The following LRRC7 variants were observed in gnomAD, a reference collection of about 807,000 sequenced individuals.
LRRC7 encodes leucine rich repeat containing 7.
Under a neutral mutation model 175.7 loss-of-function variants are expected in LRRC7, and 23 were observed. That is an observed-to-expected ratio of 0.13 (90% CI 0.09 to 0.19). The LOEUF is 0.19. Among genes scored for constraint, LRRC7 ranks in the 10% least tolerant of loss-of-function variants. LRRC7 has a pLI of 1.00. For synonymous variants in LRRC7, 685 were observed against 680.9 expected (o/e 1.01, Z -0.09); for missense variants, 1,354 against 1,904.7 (o/e 0.71, Z 5.38).
At chr1:69,674,507 A>T (rs916025686) in intron 1 of LRRC7, among the ~76,000 whole-genome samples, 7 of 152,148 alleles carry the variant, frequency 4.6e-5, no homozygotes, top group Non-Finnish European at 7.4e-5. Flanking sequence ...ATATTACAAA[A>T]TATTTTAATT....
chr1:69,568,506 C>A lies in LRRC7; in HGVS notation c.-134C>A, dbSNP rs1240091575. On this transcript the variant is annotated 5_prime_UTR_variant, in exon 1 of 27. Coordinates refer to ENST00000651989, the MANE Select transcript of LRRC7 (RefSeq NM_001370785.2). Reference sequence around the variant, plus strand: ...TATCTCCTGTTCTTCCTACCTTCTACTCCTTCCCTCCTCTTCTCCTCCGAA... The same window carrying A: ...TATCTCCTGTTCTTCCTACCTTCTAATCCTTCCCTCCTCTTCTCCTCCGAA... The A allele has an allele frequency of 4.1e-6, 3 of 730,186 alleles. No individual in the cohort carries two copies. The highest frequency in any genetic ancestry group is 6.0e-6 in the Non-Finnish European group (3 of 499,138). The allele number at this position is 730,186 out of a possible 1,614,324, so 45.2% of individuals were successfully genotyped here.
At chr1:69,862,770 C>T (rs767283866) in intron 7 of LRRC7, among the ~76,000 whole-genome samples, 4 of 152,106 alleles carry the variant, frequency 2.6e-5, no homozygotes, top group Middle Eastern at 3.4e-3. Flanking sequence ...TAGTTATACG[C>T]ATGCCATAGT....
intron 9 of LRRC7, among the ~76,000 whole-genome samples, chr1:69,980,986 A>G (rs899042306): frequency 6.6e-6 from 1 of 152,180 alleles, no homozygotes; most frequent in Non-Finnish European, 1.5e-5. Flanking sequence ...TTTTTCCTCA[A>G]CTAAAGTCCA....
chr1:69,611,989 C>T (rs183706676), intron 1 of LRRC7, among the ~76,000 whole-genome samples: 23 of 152,112 alleles, frequency 1.5e-4, no homozygotes, highest in Admixed American at 4.6e-4. Context: ...TTAATTCTTG[C>T]CAGTAGGAAG....
At chr1:70,040,682 C>T (rs1472111764) in intron 21 of LRRC7, among the ~76,000 whole-genome samples, 1 of 151,952 alleles carries the variant, frequency 6.6e-6, no homozygotes, top group Non-Finnish European at 1.5e-5. Flanking sequence ...GGCATGGTGG[C>T]GCACGCCTGT....
In LRRC7 at chr1:69,826,816, A is replaced by G. The variant is rs17131034; in HGVS notation, c.500+990A>G. 9.5e-3 allele frequency among the ~76,000 whole-genome samples: 1,443 copies of G among 152,212 alleles called. 15 individuals carry two copies. The highest frequency in any genetic ancestry group is 0.033 in the African/African-American group (1,367 of 41,544). On this transcript the variant is annotated intron_variant, in intron 5 of 26. Coordinates refer to ENST00000651989, the MANE Select transcript of LRRC7 (RefSeq NM_001370785.2). ...AAGAAGACATAAATAAATTTGTCAAAGGGAAGTTGATGGGAAATTTTATAC... is the reference window on the plus strand; with the variant it reads ...AAGAAGACATAAATAAATTTGTCAAGGGGAAGTTGATGGGAAATTTTATAC...
intron 24 of LRRC7, 124 bp from the exon 25 acceptor site, chr1:70,089,603 A>G (rs1318158336): frequency 8.2e-6 from 5 of 610,906 alleles, no homozygotes; most frequent in Non-Finnish European, 1.4e-5. Context: ...TTGTGTATCA[A>G]CTCAACATAG....
intron 22 of LRRC7, among the ~76,000 whole-genome samples, chr1:70,051,481 AT>A (rs1660738176): frequency 6.6e-6 from 1 of 152,016 alleles, no homozygotes; most frequent in African/African-American, 2.4e-5. Flanking sequence ...AAACATATTA[AT>A]CTGGAAAAGG....
At chr1:70,039,945 T>C in intron 21 of LRRC7, 152 bp downstream of exon 21, 4 of 1,079,542 alleles carry the variant, frequency 3.7e-6, no homozygotes, top group Non-Finnish European at 5.2e-6. Flanking sequence ...AAATGGATCA[T>C]AATAGTTTTT....
intron 7 of LRRC7, chr1:69,919,955 A>AGGGGGCCCTTCCAGACT (rs887910363): frequency 3.1e-5 from 18 of 584,978 alleles, no homozygotes; most frequent in African/African-American, 2.6e-4. Flanking sequence ...AATGGCTGGG[A>AGGGGGCCCTTCCAGACT]GGGGGCCCTT....
chr1:69,626,623 G>T (rs989986893), intron 1 of LRRC7, among the ~76,000 whole-genome samples: 1 of 151,824 alleles, frequency 6.6e-6, no homozygotes, highest in Admixed American at 6.6e-5. Context: ...GTGCAGGTTT[G>T]TTACATACAT....
At chr1:69,580,752 CTGGGAGTTTACAGTCTAA>C (rs1393162505) in intron 1 of LRRC7, among the ~76,000 whole-genome samples, 1 of 152,088 alleles carries the variant, frequency 6.6e-6, no homozygotes, top group Non-Finnish European at 1.5e-5. Flanking sequence ...AACCTGGTCT[CTGGGAGTTTACAGTCTAA>C]TGGTATAGAC....
chr1:69,881,213 A>G (rs1204058139), intron 7 of LRRC7, among the ~76,000 whole-genome samples: 1 of 152,224 alleles, frequency 6.6e-6, no homozygotes, highest in Non-Finnish European at 1.5e-5. Flanking sequence ...GATTTGTTAA[A>G]TGAATAGAGG....
intron 23 of LRRC7, among the ~76,000 whole-genome samples, chr1:70,065,658 T>C (rs1194903772): frequency 1.3e-5 from 2 of 151,894 alleles, no homozygotes; most frequent in African/African-American, 4.8e-5. Context: ...TATACAATGA[T>C]GGGGATGGAA....
rs540642583 is a variant in LRRC7 at position 69,986,183 on chromosome 1, C to A, written c.787-59C>A. On this transcript the variant is annotated intron_variant, in intron 9 of 26. Transcript: ENST00000651989. ...CTTTACAGTGTAGTGGTTCTTACAA[C>A]TTTAAAATGTCTTGTGAAAGTCTCT... The A allele has an allele frequency of 3.8e-4, 575 of 1,527,002 alleles. 1 individual carries two copies. Among genetic ancestry groups the A allele is most frequent in the Non-Finnish European group, 5.0e-4 (565 of 1,120,206 alleles). The allele number at this position is 1,527,002 out of a possible 1,614,324, so 94.6% of individuals were successfully genotyped here.
At chr1:69,755,824 T>C (rs1670360394) in intron 2 of LRRC7, among the ~76,000 whole-genome samples, 1 of 151,972 alleles carries the variant, frequency 6.6e-6, no homozygotes, top group African/African-American at 2.4e-5. Context: ...TGAATATCTT[T>C]TGGCTTGCTG....
chr1:70,112,165 A>C (rs1335796064), intron 26 of LRRC7, among the ~76,000 whole-genome samples: 1 of 152,222 alleles, frequency 6.6e-6, no homozygotes, highest in Admixed American at 6.5e-5. Flanking sequence ...AGACAGTTCA[A>C]GAAACTACTG....
chr1:69,914,239 T>C (rs1646620848), intron 7 of LRRC7, among the ~76,000 whole-genome samples: 1 of 152,202 alleles, frequency 6.6e-6, no homozygotes, highest in Admixed American at 6.5e-5. Context: ...TGGAAATTTA[T>C]GGGAAAACAA....
At chr1:69,574,259 T>C (rs1263494831) in intron 1 of LRRC7, among the ~76,000 whole-genome samples, 1 of 152,134 alleles carries the variant, frequency 6.6e-6, no homozygotes, top group East Asian at 1.9e-4. Flanking sequence ...ACTATCATTA[T>C]CATCATGAAA....
Sources: allele counts gnomAD v4.1 joint callset (sites outside exome capture counted in the v4.1 genomes callset), GRCh38; gene constraint gnomAD v4.1.1; transcripts MANE v1.5; gene names NCBI Gene and HGNC (gene_info 2026-07-23, HGNC 2026-07-21).